The following ADAMTS3 variants were observed in gnomAD, a reference collection of about 807,000 sequenced individuals.
The protein encoded by ADAMTS3 is ADAM metallopeptidase with thrombospondin type 1 motif 3, also known as A disintegrin and metalloproteinase with thrombospondin motifs 3.
ADAMTS3 carries 73 observed loss-of-function variants against 129.0 expected under a neutral mutation model. The observed-to-expected ratio is 0.57, with a 90% confidence interval of 0.47 to 0.69. ADAMTS3 has a LOEUF of 0.69. Ranked by LOEUF, ADAMTS3 falls within the 30% of genes least tolerant of loss-of-function variation. ADAMTS3 has a pLI of 0.00. For synonymous variants in ADAMTS3, 477 were observed against 510.8 expected (o/e 0.93, Z 0.89); for missense variants, 1,457 against 1,514.5 (o/e 0.96, Z 0.63).
chr4:72,549,940 G>A (rs1721567167), intron 2 of ADAMTS3, among the ~76,000 whole-genome samples: 1 of 115,076 alleles, frequency 8.7e-6, no homozygotes, highest in African/African-American at 3.7e-5. Flanking sequence ...AAGCAGCAGG[G>A]CAACAAGGGT....
intron 4 of ADAMTS3, among the ~76,000 whole-genome samples, chr4:72,403,876 T>C (rs1019188977): frequency 1.3e-5 from 2 of 151,966 alleles, no homozygotes; most frequent in African/African-American, 2.4e-5. Context: ...TTGGAAAATA[T>C]TTCTCCCTGA....
At chr4:72,382,984 AC>A (rs1455211499) in intron 4 of ADAMTS3, among the ~76,000 whole-genome samples, 2 of 152,138 alleles carry the variant, frequency 1.3e-5, no homozygotes, top group African/African-American at 2.4e-5. Flanking sequence ...TATGCACTAT[AC>A]CCATGTAACA....
At chr4:72,428,043 TA>T (rs35835658) in intron 3 of ADAMTS3, among the ~76,000 whole-genome samples, 93,317 of 151,756 alleles carry the variant, frequency 0.61, 29,543 homozygotes, top group South Asian at 0.79. Flanking sequence ...ACTGAACACC[TA>T]AAAAAACATT....
chr4:72,371,766 C>CA (rs1721015137), intron 4 of ADAMTS3, among the ~76,000 whole-genome samples: 1 of 151,914 alleles, frequency 6.6e-6, no homozygotes, highest in Non-Finnish European at 1.5e-5. Flanking sequence ...ATATGAATAA[C>CA]GCAATTAACA....
At position 72,287,452 on chromosome 4, in the gene ADAMTS3, C is replaced by T. The variant is rs185800505; in HGVS notation, c.3049+1299G>A. On this transcript the variant is annotated intron_variant, in intron 21 of 21. Transcript: ENST00000286657. Reference sequence around the variant, plus strand: ...AGGGAGAGGGTGAAGGGGAGGACACCGAGAAAGAGAAAATGGGAGAGAAAG... The same window carrying T: ...AGGGAGAGGGTGAAGGGGAGGACACTGAGAAAGAGAAAATGGGAGAGAAAG... Among the ~76,000 whole-genome samples the T allele has an allele frequency of 3.2e-4, 46 of 144,272 alleles. 1 individual carries two copies. The highest frequency in any genetic ancestry group is 2.9e-3 in the East Asian group (14 of 4,822). The allele number at this position is 144,272 out of a possible 152,430, so 94.6% of individuals were successfully genotyped here.
chr4:72,346,083 T>A (rs766979212), intron 4 of ADAMTS3, among the ~76,000 whole-genome samples: 2 of 152,144 alleles, frequency 1.3e-5, no homozygotes, highest in Non-Finnish European at 2.9e-5. Context: ...GTGTACAAAC[T>A]TTGCCTTCAA....
chr4:72,507,497 T>A (rs1294442308), intron 3 of ADAMTS3, among the ~76,000 whole-genome samples: 1 of 152,228 alleles, frequency 6.6e-6, no homozygotes. Context: ...GTTCTTGCTC[T>A]TGAAGCTTGG....
intron 5 of ADAMTS3, among the ~76,000 whole-genome samples, chr4:72,324,039 G>A (rs552164266): frequency 6.6e-6 from 1 of 152,206 alleles, no homozygotes; most frequent in South Asian, 2.1e-4. Context: ...GGAGTTACCA[G>A]GCTAGAATGC....
intron 3 of ADAMTS3, among the ~76,000 whole-genome samples, chr4:72,489,789 A>C (rs1291361568): frequency 6.6e-6 from 1 of 151,852 alleles, no homozygotes; most frequent in East Asian, 1.9e-4. Context: ...AAAATATAGT[A>C]TATATAGGGT....
chr4:72,428,859 C>G (rs1722630638), intron 3 of ADAMTS3, among the ~76,000 whole-genome samples: 1 of 151,960 alleles, frequency 6.6e-6, no homozygotes, highest in Non-Finnish European at 1.5e-5. Flanking sequence ...ATTTGAAAAG[C>G]TGCTCCCTGC....
intron 3 of ADAMTS3, among the ~76,000 whole-genome samples, chr4:72,532,221 T>G (rs1313160999): frequency 6.6e-6 from 1 of 152,142 alleles, no homozygotes; most frequent in Non-Finnish European, 1.5e-5. Flanking sequence ...TCTGCAGACC[T>G]ACTAAATCAG....
intron 3 of ADAMTS3, among the ~76,000 whole-genome samples, chr4:72,424,525 C>T (rs929303382): frequency 2.6e-5 from 4 of 152,088 alleles, no homozygotes; most frequent in African/African-American, 7.2e-5. Flanking sequence ...GTTATTTGGG[C>T]TCCTAATAGA....
At chr4:72,530,329 T>A (rs1240055173) in intron 3 of ADAMTS3, among the ~76,000 whole-genome samples, 1 of 84,508 alleles carries the variant, frequency 1.2e-5, no homozygotes, top group Non-Finnish European at 2.0e-5. Flanking sequence ...TCATATATGT[T>A]AATATAATAT....
chr4:72,527,161 T>C lies in ADAMTS3; in HGVS notation c.504+21317A>G, dbSNP rs116262655. On this transcript the variant is annotated intron_variant, in intron 3 of 21. Coordinates refer to ENST00000286657, the MANE Select transcript of ADAMTS3 (RefSeq NM_014243.3). ...ATTATCTCAGACAGCCCTGACAATC[T>C]GACCCTGTCGTCTCCTTGTGCTCTT... 2.8e-3 allele frequency among the ~76,000 whole-genome samples: 419 copies of C among 152,276 alleles called. 3 individuals are homozygous for C. The highest frequency in any genetic ancestry group is 9.8e-3 in the African/African-American group (408 of 41,556).
intron 3 of ADAMTS3, among the ~76,000 whole-genome samples, chr4:72,518,652 A>G (rs1720566631): frequency 6.6e-6 from 1 of 152,034 alleles, no homozygotes; most frequent in African/African-American, 2.4e-5. Flanking sequence ...ACGGACTAGG[A>G]TTGCAACCCC....
intron 4 of ADAMTS3, among the ~76,000 whole-genome samples, chr4:72,358,302 GA>G (rs894457315): frequency 6.6e-6 from 1 of 151,344 alleles, no homozygotes; most frequent in Non-Finnish European, 1.5e-5. Flanking sequence ...ATCCTTAAGA[GA>G]AAAAAAACAA....
intron 4 of ADAMTS3, among the ~76,000 whole-genome samples, chr4:72,340,451 T>C (rs906013545): frequency 1.3e-5 from 2 of 151,960 alleles, no homozygotes; most frequent in Non-Finnish European, 2.9e-5. Flanking sequence ...AGGAAAACTT[T>C]AGTGCTCCAC....
intron 3 of ADAMTS3, among the ~76,000 whole-genome samples, chr4:72,438,972 A>C (rs533162437): frequency 6.6e-6 from 1 of 151,888 alleles, no homozygotes; most frequent in South Asian, 2.1e-4. Context: ...TACTGGCTAC[A>C]TAGGTATCTA....
chr4:72,453,671 G>C (rs553447821), intron 3 of ADAMTS3, among the ~76,000 whole-genome samples: 2 of 151,496 alleles, frequency 1.3e-5, no homozygotes, highest in African/African-American at 4.8e-5. Flanking sequence ...AAAGTGCTAT[G>C]GTCCCAGTAT....
Sources: gnomAD v4.1 joint callset for allele counts (sites outside exome capture counted in the v4.1 genomes callset) on GRCh38, gnomAD v4.1.1 for gene constraint, MANE v1.5 for transcripts, NCBI Gene and HGNC (gene_info 2026-07-23, HGNC 2026-07-21) for gene names.